ANXA4: variants seen among roughly 807,000 people sequenced by gnomAD.
ANXA4 encodes 35-beta calcimedin.
A neutral mutation model predicts 49.8 loss-of-function variants in ANXA4; 39 were observed. The observed-to-expected ratio is 0.78, with a 90% confidence interval of 0.61 to 1.02. The LOEUF is 1.02. ANXA4 is among the 50% of genes least tolerant of loss of function. ANXA4 has a pLI of 0.00. For missense variants in ANXA4, 360 were observed against 410.1 expected (o/e 0.88, Z 1.05); for synonymous variants, 134 against 152.5 (o/e 0.88, Z 0.89).
At chr2:69,811,919 G>A (rs1024914001) in intron 7 of ANXA4, among the ~76,000 whole-genome samples, 3 of 151,978 alleles carry the variant, frequency 2.0e-5, no homozygotes, top group Non-Finnish European at 4.4e-5. Flanking sequence ...ATGGAACATC[G>A]AGACAGTATA....
chr2:69,726,610 C>T (rs1056895735), intron 3 of ANXA4, among the ~76,000 whole-genome samples: 1 of 152,180 alleles, frequency 6.6e-6, no homozygotes, highest in Non-Finnish European at 1.5e-5. Flanking sequence ...GTAATCAGTG[C>T]TTAGATCAAG....
intron 3 of ANXA4, among the ~76,000 whole-genome samples, chr2:69,801,188 A>C (rs981948949): frequency 6.6e-6 from 1 of 152,242 alleles, no homozygotes; most frequent in African/African-American, 2.4e-5. Context: ...GGGAAGGTGG[A>C]GTTTCCATGG....
At chr2:69,768,523 G>A (rs535643097) in intron 1 of ANXA4, among the ~76,000 whole-genome samples, 1 of 152,246 alleles carries the variant, frequency 6.6e-6, no homozygotes, top group South Asian at 2.1e-4. Context: ...AAACCTACAA[G>A]GCATAGGGGA....
intron 12 of ANXA4, 112 bp from the exon 13 acceptor site, chr2:69,825,344 A>T (rs1674428876): frequency 4.9e-6 from 4 of 813,792 alleles, no homozygotes; most frequent in Non-Finnish European, 8.0e-6. Flanking sequence ...AACAAAAAAA[A>T]TTTAAAGCTA....
rs1281663555 is a variant in ANXA4 at position 69,824,434 on chromosome 2, C to T, written c.907-1022C>T. Among the ~76,000 whole-genome samples the T allele has an allele frequency of 4.8e-5, 7 of 145,672 alleles. No individual in the cohort carries two copies. In the East Asian group the frequency reaches 6.3e-4, roughly 13 times the overall value. On this transcript the variant is annotated intron_variant, in intron 12 of 12. Transcript: ENST00000394295. Reference sequence around the variant, plus strand: ...AGGAGAATCACTTGAACCTGGGAGGCGGAGGTCGCAGTGAGCCAGGATTGC... The same window carrying T: ...AGGAGAATCACTTGAACCTGGGAGGTGGAGGTCGCAGTGAGCCAGGATTGC...
At chr2:69,808,031 T>TCGC in intron 6 of ANXA4, 35 bp downstream of exon 6, 2 of 1,591,578 alleles carry the variant, frequency 1.3e-6, no homozygotes, top group Non-Finnish European at 1.7e-6. Context: ...GGCTGAGGTT[T>TCGC]CGCTGTGATT....
intron 1 of ANXA4, among the ~76,000 whole-genome samples, chr2:69,746,696 G>A (rs1295609558): frequency 6.6e-6 from 1 of 152,078 alleles, no homozygotes; most frequent in Non-Finnish European, 1.5e-5. Flanking sequence ...GGTCCACACT[G>A]CTTGACGTGA....
rs113586633 is a variant in ANXA4 at position 69,717,859 on chromosome 2, C to T, written n.767-2915C>T. On this transcript the variant is annotated intron_variant and non_coding_transcript_variant, in intron 2 of 3. Coordinates refer to the ANXA4 transcript ENST00000418066. ...GGCTTTCTACCAGATGACAGGCAAA[C>T]TAAGAGACGTACACAACCTATGCAC... Among the ~76,000 whole-genome samples the T allele has an allele frequency of 4.9e-3, 745 of 152,234 alleles. 9 individuals carry two copies. Among genetic ancestry groups the T allele is most frequent in the African/African-American group, 0.016 (685 of 41,526 alleles).
chr2:69,824,475 C>G (rs1475506647), intron 12 of ANXA4, among the ~76,000 whole-genome samples: 2 of 150,016 alleles, frequency 1.3e-5, no homozygotes, highest in East Asian at 3.9e-4. Flanking sequence ...TGCACTCTAG[C>G]CTGGGCCACA....
chr2:69,774,663 C>T (rs1025129051), intron 1 of ANXA4, among the ~76,000 whole-genome samples: 6 of 152,218 alleles, frequency 3.9e-5, no homozygotes, highest in South Asian at 2.1e-4. Context: ...TTAATCACAG[C>T]GTTTACCATG....
intron 9 of ANXA4, chr2:69,818,321 C>T (rs1297401582): frequency 7.2e-5 from 16 of 220,706 alleles, no homozygotes; most frequent in African/African-American, 3.4e-4. Flanking sequence ...AAGCAAAGCT[C>T]CCCAGAGGCC....
intron 1 of ANXA4, among the ~76,000 whole-genome samples, chr2:69,747,676 C>T (rs1052693066): frequency 2.0e-5 from 3 of 152,122 alleles, no homozygotes; most frequent in African/African-American, 4.8e-5. Context: ...GTCAAAACTA[C>T]ACAAAATTGT....
intron 8 of ANXA4, 78 bp from the exon 9 acceptor site, chr2:69,816,021 CTT>C (rs1348847062): frequency 5.2e-6 from 6 of 1,158,738 alleles, no homozygotes; most frequent in Non-Finnish European, 7.8e-6. Flanking sequence ...CAGCTCAGCT[CTT>C]TGAGCTTCTG....
chr2:69,815,417 T>C (rs1373586131), intron 8 of ANXA4: 1 of 152,236 alleles, frequency 6.6e-6, no homozygotes, highest in Non-Finnish European at 1.5e-5. Context: ...ATGTGTGAGT[T>C]AAGATCTTTT....
intron 1 of ANXA4, among the ~76,000 whole-genome samples, chr2:69,764,695 A>G (rs1671430799): frequency 6.6e-6 from 1 of 152,232 alleles, no homozygotes; most frequent in Admixed American, 6.5e-5. Context: ...TGAAATAAAT[A>G]CACATGAAAT....
At chr2:69,762,564 T>C (rs1397446463) in intron 1 of ANXA4, among the ~76,000 whole-genome samples, 1 of 152,190 alleles carries the variant, frequency 6.6e-6, no homozygotes, top group East Asian at 1.9e-4. Flanking sequence ...CACAAATGCC[T>C]GGTTCTCTGG....
At chr2:69,737,357 A>C (rs1670271582), upstream of ANXA4, among the ~76,000 whole-genome samples, 14 of 152,300 alleles carry the variant, frequency 9.2e-5, no homozygotes, top group South Asian at 2.9e-3. Context: ...TTTAGTTCTC[A>C]AAATATATAA....
intron 1 of ANXA4, among the ~76,000 whole-genome samples, chr2:69,771,688 G>T (rs576391723): frequency 5.9e-5 from 9 of 152,312 alleles, no homozygotes; most frequent in African/African-American, 1.4e-4. Context: ...AGTTGAGTCA[G>T]CACCTGGCTT....
At chr2:69,806,322 C>T in intron 4 of ANXA4, 63 bp from the exon 5 acceptor site, 1 of 1,228,648 alleles carries the variant, frequency 8.1e-7, no homozygotes, top group Non-Finnish European at 1.2e-6. Context: ...CTGGACCACA[C>T]CTGGAGAGTA....
Sources: allele counts gnomAD v4.1 joint callset (sites outside exome capture counted in the v4.1 genomes callset), GRCh38; gene constraint gnomAD v4.1.1; transcripts MANE v1.5; gene names NCBI Gene and HGNC (gene_info 2026-07-23, HGNC 2026-07-21).